NLK: variants seen among roughly 807,000 people sequenced by gnomAD.
NLK encodes serine/threonine-protein kinase NLK.
In NLK, 11 loss-of-function variants were observed where a neutral mutation model predicts 59.0. The observed-to-expected ratio is 0.19, with a 90% CI of 0.12 to 0.31. The LOEUF (loss-of-function observed/expected upper bound fraction) is 0.31, where lower values mean the gene tolerates loss of function less well. Ranked by LOEUF, NLK falls within the 10% of genes least tolerant of loss-of-function variation. The probability of loss-of-function intolerance (pLI) is 1.00; values close to 1 mark genes in which losing one functional copy is unlikely to be tolerated. For missense variants in NLK, 410 were observed against 661.1 expected, an observed-to-expected ratio of 0.62 and a Z score of 4.16; for synonymous variants, 235 against 235.9, an observed-to-expected ratio of 1.00 and a Z score of 0.03.
intron 2 of NLK, among the ~76,000 whole-genome samples, chr17:28,131,364 C>T (rs957498611): frequency 6.6e-6 from 1 of 151,696 alleles, no homozygotes; most frequent in African/African-American, 2.4e-5. Context: ...TAAACACTTA[C>T]ATTTTAGATT....
chr17:28,068,409 TA>T (rs1266934846), intron 1 of NLK, among the ~76,000 whole-genome samples: 1 of 152,170 alleles, frequency 6.6e-6, no homozygotes, highest in African/African-American at 2.4e-5. Context: ...CAAGGGAACT[TA>T]ATATCTTCAG....
intron 1 of NLK, among the ~76,000 whole-genome samples, chr17:28,046,285 AAGT>A (rs1343768542): frequency 6.6e-6 from 1 of 152,230 alleles, no homozygotes; most frequent in Non-Finnish European, 1.5e-5. Flanking sequence ...AGTTGTGTAA[AAGT>A]AGTGAATTAC....
At chr17:28,100,497 A>G (rs1904867583) in intron 1 of NLK, among the ~76,000 whole-genome samples, 1 of 152,108 alleles carries the variant, frequency 6.6e-6, no homozygotes, top group Non-Finnish European at 1.5e-5. Context: ...TTTAATTTGC[A>G]TTTTTCTGAC....
intron 3 of NLK, among the ~76,000 whole-genome samples, chr17:28,143,758 A>G (rs187014941): frequency 2.0e-4 from 31 of 152,342 alleles, no homozygotes; most frequent in Middle Eastern, 3.4e-3. Flanking sequence ...CCAGCCCACT[A>G]TCTTTCTGAA....
intron 6 of NLK, among the ~76,000 whole-genome samples, chr17:28,170,058 C>A (rs1487229273): frequency 6.6e-6 from 1 of 152,098 alleles, no homozygotes; most frequent in African/African-American, 2.4e-5. Context: ...TATAACATTT[C>A]ACCCACATAA....
intron 3 of NLK, among the ~76,000 whole-genome samples, chr17:28,160,544 A>G (rs1907964577): frequency 6.6e-6 from 1 of 152,182 alleles, no homozygotes; most frequent in Non-Finnish European, 1.5e-5. Flanking sequence ...AACCCTAAAC[A>G]TACAACAGAG....
chr17:28,102,598 G>A (rs987097324), intron 1 of NLK, among the ~76,000 whole-genome samples: 3 of 147,686 alleles, frequency 2.0e-5, no homozygotes, highest in South Asian at 2.2e-4. Flanking sequence ...GCAGTGAGCC[G>A]AGATCACACC....
chr17:28,076,963 A>G (rs1456361830), intron 1 of NLK, among the ~76,000 whole-genome samples: 1 of 151,562 alleles, frequency 6.6e-6, no homozygotes, highest in Non-Finnish European at 1.5e-5. Flanking sequence ...AAATTTGCTA[A>G]TTTAATGCTG....
chr17:28,192,630 T>C (rs1909347300), intron 10 of NLK, among the ~76,000 whole-genome samples: 1 of 151,642 alleles, frequency 6.6e-6, no homozygotes, highest in African/African-American at 2.4e-5. Context: ...ATCGCACCAT[T>C]GCACTCCAGC....
intron 3 of NLK, among the ~76,000 whole-genome samples, chr17:28,154,704 C>A (rs1907627970): frequency 6.6e-6 from 1 of 151,934 alleles, no homozygotes; most frequent in South Asian, 2.1e-4. Context: ...ACATAAAATT[C>A]TATATATAGG....
intron 2 of NLK, among the ~76,000 whole-genome samples, chr17:28,125,512 T>G (rs1366086384): frequency 6.6e-6 from 1 of 152,220 alleles, no homozygotes; most frequent in African/African-American, 2.4e-5. Context: ...CAACCACTAT[T>G]TGAAACTACT....
chr17:28,161,960 A>G (rs1397022044), intron 4 of NLK, among the ~76,000 whole-genome samples: 1 of 152,190 alleles, frequency 6.6e-6, no homozygotes, highest in African/African-American at 2.4e-5. Flanking sequence ...CAGAATTCAT[A>G]GAATTAAGAG....
At chr17:28,141,742 CT>C (rs1162887571) in intron 3 of NLK, among the ~76,000 whole-genome samples, 1 of 152,144 alleles carries the variant, frequency 6.6e-6, no homozygotes, top group Non-Finnish European at 1.5e-5. Flanking sequence ...ATGTTCATCC[CT>C]TACCTTCTGA....
At chr17:28,151,937 A>G (rs2142039586) in intron 3 of NLK, among the ~76,000 whole-genome samples, 1 of 152,352 alleles carries the variant, frequency 6.6e-6, no homozygotes, top group East Asian at 1.9e-4. Context: ...TGGTCTTAGT[A>G]TGAAGGAATT....
At chr17:28,204,640 C>A in the NLK span, among the ~76,000 whole-genome samples, 1 of 152,272 alleles carries the variant, frequency 6.6e-6, no homozygotes, top group South Asian at 2.1e-4. Flanking sequence ...AAGAAACAGA[C>A]AAAAACCTCT....
At chr17:28,122,459 C>A in intron 1 of NLK, 144 bp from the exon 2 acceptor site, 1 of 771,878 alleles carries the variant, frequency 1.3e-6, no homozygotes, top group Non-Finnish European at 2.0e-6. Flanking sequence ...ATCTTTCTCA[C>A]TGACACCTTA....
In NLK at chr17:28,185,796, G is replaced by A. The variant is rs144162769; in HGVS notation, c.1236+531G>A. 2.7e-4 allele frequency among the ~76,000 whole-genome samples: 41 copies of A among 152,054 alleles called. No homozygotes were observed. In the East Asian group the frequency reaches 5.0e-3, roughly 19 times the overall value. On this transcript the variant is annotated intron_variant, in intron 8 of 10. Coordinates refer to ENST00000407008, the MANE Select transcript of NLK (RefSeq NM_016231.5). Reference sequence around the variant, plus strand: ...CAAGTGATCCTTTTGCCTCAGCCCCGCAAAGTGCTGGGATTACAGATGTGA... The same window carrying A: ...CAAGTGATCCTTTTGCCTCAGCCCCACAAAGTGCTGGGATTACAGATGTGA...
chr17:28,165,603 C>T (rs1165091293), intron 5 of NLK, among the ~76,000 whole-genome samples: 1 of 152,110 alleles, frequency 6.6e-6, no homozygotes, highest in African/African-American at 2.4e-5. Context: ...AGTATCCTTC[C>T]ATATCGTGAA....
chr17:28,120,436 A>T (rs890348274), intron 1 of NLK, among the ~76,000 whole-genome samples: 6 of 152,086 alleles, frequency 3.9e-5, no homozygotes, highest in African/African-American at 1.4e-4. Flanking sequence ...AGCAACAGTC[A>T]TGAATGTTAG....
Sources: allele counts gnomAD v4.1 joint callset (sites outside exome capture counted in the v4.1 genomes callset), GRCh38; gene constraint gnomAD v4.1.1; transcripts MANE v1.5; gene names NCBI Gene and HGNC (gene_info 2026-07-23, HGNC 2026-07-21).